PTPRA: variants seen among roughly 807,000 people sequenced by gnomAD.
PTPRA encodes the protein protein tyrosine phosphatase receptor type A, also known as receptor-type tyrosine-protein phosphatase alpha.
PTPRA carries 25 observed loss-of-function variants against 104.8 expected under a neutral mutation model. That is an observed-to-expected ratio of 0.24 (90% CI 0.17 to 0.33). The LOEUF is 0.33. Ranked by LOEUF, PTPRA falls within the 10% of genes least tolerant of loss-of-function variation. The pLI is 1.00. For missense variants in PTPRA, 765 were observed against 1,015.3 expected, an observed-to-expected ratio of 0.75 and a Z score of 3.35; for synonymous variants, 323 against 368.9, an observed-to-expected ratio of 0.88 and a Z score of 1.43.
In PTPRA at chr20:3,007,432, G is replaced by T. The variant is rs139283654; in HGVS notation, c.906+12G>T. 1.9e-6 allele frequency: 3 copies of T among 1,611,436 alleles called. No individual in the cohort carries two copies. Among genetic ancestry groups the T allele is most frequent in the African/African-American group, 2.7e-5 (2 of 74,862 alleles). The stretch of plus-strand genomic sequence containing the variant: ...CTTCATTCATCAACGTAAGGATCGG[G>T]TGCTTTCCCTGTCACTTCCCTGCCT... On this transcript the variant is annotated intron_variant, in intron 11 of 23. Coordinates refer to ENST00000399903, the MANE Select transcript of PTPRA (RefSeq NM_001385305.1).
intron 2 of PTPRA, among the ~76,000 whole-genome samples, chr20:2,929,057 C>T (rs1165832815): frequency 1.3e-5 from 2 of 152,082 alleles, no homozygotes; most frequent in African/African-American, 4.8e-5. Flanking sequence ...TCTCAAACTC[C>T]TGAGCTCAAG....
chr20:2,889,964 G>A (rs573801330), intron 1 of PTPRA, among the ~76,000 whole-genome samples: 1 of 152,034 alleles, frequency 6.6e-6, no homozygotes, highest in Non-Finnish European at 1.5e-5. Flanking sequence ...GCTCACTGCA[G>A]CCTTGACCTC....
the PTPRA span, chr20:2,864,953 C>T: frequency 1.9e-6 from 3 of 1,613,986 alleles, no homozygotes; most frequent in Non-Finnish European, 2.5e-6. This position sits in a 1 kb window ranked among gnomAD's most constrained non-coding sequence, Gnocchi z 5.2. Context: ...GCTGTGAGTT[C>T]AGGCCTTCCT....
At chr20:2,926,208 G>A (rs1431046912) in intron 2 of PTPRA, among the ~76,000 whole-genome samples, 2 of 152,168 alleles carry the variant, frequency 1.3e-5, no homozygotes, top group Non-Finnish European at 2.9e-5. Flanking sequence ...CTGTTCTGCT[G>A]CTGTTTATTA....
At chr20:2,924,236 T>C (rs1282979870) in intron 2 of PTPRA, among the ~76,000 whole-genome samples, 1 of 152,120 alleles carries the variant, frequency 6.6e-6, no homozygotes, top group African/African-American at 2.4e-5. Context: ...ACCCCATCTC[T>C]ACTAAAATTA....
At chr20:3,032,512 A>T (rs998903365) in intron 20 of PTPRA, among the ~76,000 whole-genome samples, 1 of 152,166 alleles carries the variant, frequency 6.6e-6, no homozygotes, top group Non-Finnish European at 1.5e-5. Flanking sequence ...TCACGCCTGT[A>T]ATCCCAGCAC....
At chr20:2,995,557 A>G (rs1370241908) in intron 9 of PTPRA, among the ~76,000 whole-genome samples, 1 of 152,216 alleles carries the variant, frequency 6.6e-6, no homozygotes, top group Non-Finnish European at 1.5e-5. Flanking sequence ...AGAGCATAAT[A>G]GAGATTTTTG....
At chr20:2,938,450 T>C (rs2060787250) in intron 2 of PTPRA, among the ~76,000 whole-genome samples, 1 of 152,128 alleles carries the variant, frequency 6.6e-6, no homozygotes, top group Non-Finnish European at 1.5e-5. Flanking sequence ...CCTCCCAAAA[T>C]GCTGGGATTA....
In PTPRA at chr20:2,925,818, AAAAAAC is replaced by A. The variant is rs1020504136; in HGVS notation, c.-50+2551_-50+2556del. 6.2e-4 allele frequency among the ~76,000 whole-genome samples: 94 copies of A among 152,152 alleles called. 1 individual carries two copies. The highest frequency in any genetic ancestry group is 1.9e-3 in the African/African-American group (78 of 41,470). Reference sequence around the variant, plus strand: ...TGACAGAGTGAGGCTGTCTCAATTGAAAAAACAAAAACAAAAACAAAAAAAAACACA... The same window carrying A: ...TGACAGAGTGAGGCTGTCTCAATTGAAAAAACAAAAACAAAAAAAAACACA... On this transcript the variant is annotated intron_variant, in intron 2 of 23. Coordinates refer to ENST00000399903, the MANE Select transcript of PTPRA (RefSeq NM_001385305.1).
At position 2,918,212 on chromosome 20, in the gene PTPRA, C is replaced by T. The variant is rs142974835; in HGVS notation, c.-128-4995C>T. On this transcript the variant is annotated intron_variant, in intron 1 of 23. Transcript: ENST00000399903. ...TCTCTTTTCCTTCTTTTTTTTAAAACGAGACAGGGTGACCAGGCTAAACTC... is the reference window on the plus strand; with the variant it reads ...TCTCTTTTCCTTCTTTTTTTTAAAATGAGACAGGGTGACCAGGCTAAACTC... Among the ~76,000 whole-genome samples, 749 of 150,940 alleles carry T rather than the reference C, an allele frequency of 5.0e-3. 7 individuals carry two copies. Among genetic ancestry groups the T allele is most frequent in the African/African-American group, 0.017 (701 of 41,008 alleles).
chr20:2,977,399 A>C lies in PTPRA; in HGVS notation c.442+2158A>C, dbSNP rs778549297. Among the ~76,000 whole-genome samples the C allele has an allele frequency of 2.0e-5, 3 of 152,036 alleles. No homozygotes were observed. The South Asian group carries it at 6.2e-4, about 32-fold the overall frequency. ...ATTCTTGTTTTAAGAGTGTTAGGGC[A>C]CTTTGGGAGGCTGAGGCAGGTGGAT... On this transcript the variant is annotated intron_variant, in intron 6 of 23. Coordinates refer to ENST00000399903, the MANE Select transcript of PTPRA (RefSeq NM_001385305.1).
At chr20:2,929,286 C>T (rs2060422485) in intron 2 of PTPRA, among the ~76,000 whole-genome samples, 1 of 152,122 alleles carries the variant, frequency 6.6e-6, no homozygotes, top group Non-Finnish European at 1.5e-5. Context: ...TTAAACTAGT[C>T]TTCTCCCCGC....
At chr20:3,006,491 A>C (rs1026631692) in intron 10 of PTPRA, among the ~76,000 whole-genome samples, 2 of 152,222 alleles carry the variant, frequency 1.3e-5, no homozygotes, top group East Asian at 3.8e-4. Flanking sequence ...TAAAAATTTT[A>C]TATTTCAGGG....
chr20:2,934,287 A>G (rs1651599382), intron 2 of PTPRA, among the ~76,000 whole-genome samples: 1 of 152,078 alleles, frequency 6.6e-6, no homozygotes, highest in African/African-American at 2.4e-5. Flanking sequence ...ATTTTTTTGT[A>G]GAGACTATAT....
At chr20:3,018,428 T>C (rs2064585873) in intron 13 of PTPRA, among the ~76,000 whole-genome samples, 1 of 151,160 alleles carries the variant, frequency 6.6e-6, no homozygotes, top group African/African-American at 2.4e-5. Context: ...TGATGACTCT[T>C]AACGAGCCTG....
chr20:3,002,525 A>G (rs1467521540), intron 9 of PTPRA, among the ~76,000 whole-genome samples: 8 of 152,032 alleles, frequency 5.3e-5, no homozygotes, highest in Middle Eastern at 3.4e-3. Flanking sequence ...ATGGGGTTTC[A>G]CCATGTTGGT....
chr20:3,036,409 A>C (rs961061940), intron 22 of PTPRA, among the ~76,000 whole-genome samples: 5 of 152,262 alleles, frequency 3.3e-5, no homozygotes, highest in African/African-American at 1.2e-4. Flanking sequence ...ACAGCTTACA[A>C]GGCCCAATAT....
Position 2,943,214 on chromosome 20 carries a change from C to CCT in PTPRA, c.-49-4767_-49-4766insTC, listed in dbSNP as rs11473129. On this transcript the variant is annotated intron_variant, in intron 2 of 23. Transcript: ENST00000399903. Reference sequence around the variant, plus strand: ...GGGAGTCTTGGAACATATCCCCCCACCCCCCCCCCAGATAAGGGGGTAGTA... The same window carrying CCT: ...GGGAGTCTTGGAACATATCCCCCCACCTCCCCCCCCCAGATAAGGGGGTAGTA... Among the ~76,000 whole-genome samples the CCT allele has an allele frequency of 8.4e-3, 305 of 36,390 alleles. 8 individuals carry two copies. Among genetic ancestry groups the CCT allele is most frequent in the Admixed American group, 0.016 (47 of 3,002 alleles). 23.9% of individuals were successfully genotyped at this position (36,390 alleles called of 152,430 possible). A position where few individuals can be genotyped will look rare whatever the true frequency, so the allele number is the denominator to read the frequency against.
At chr20:2,943,216 C>G (rs925543486) in intron 2 of PTPRA, among the ~76,000 whole-genome samples, 2 of 143,566 alleles carry the variant, frequency 1.4e-5, no homozygotes, top group Admixed American at 1.4e-4. Flanking sequence ...TCCCCCCACC[C>G]CCCCCCCAGA....
Sources: gnomAD v4.1 joint callset for allele counts (sites outside exome capture counted in the v4.1 genomes callset) on GRCh38, gnomAD v4.1.1 for gene constraint, Gnocchi (gnomAD v3.1) non-coding constraint, MANE v1.5 for transcripts, NCBI Gene and HGNC (gene_info 2026-07-23, HGNC 2026-07-21) for gene names.